Variants in DMD observed in about 807,000 individuals in gnomAD.
DMD encodes the protein dystrophin, also known as mutant dystrophin.
DMD carries 63 observed loss-of-function variants against 330.1 expected under a neutral mutation model. That is an observed-to-expected ratio of 0.19 (90% CI 0.16 to 0.24). DMD has a LOEUF of 0.24. DMD is among the 10% of genes least tolerant of loss of function. The pLI is 1.00. For synonymous variants in DMD, 1,223 were observed against 959.8 expected (o/e 1.27, Z -5.07); for missense variants, 3,344 against 2,684.1 (o/e 1.25, Z -5.43).
intron 4 of DMD, among the ~76,000 whole-genome samples, chrX:32,837,279 A>G (rs2079734608): frequency 8.9e-6 from 1 of 112,003 alleles, no homozygotes; most frequent in Non-Finnish European, 1.9e-5. Flanking sequence ...TGACTACATC[A>G]CCTGGAATCT....
chrX:32,380,671 T>C lies in DMD; in HGVS notation c.4684A>G (p.Arg1562Gly), dbSNP rs771425504. The C allele has an allele frequency of 2.1e-5, 25 of 1,204,338 alleles. No individual in the cohort carries two copies. In the East Asian group the frequency reaches 7.1e-4, roughly 34 times the overall value. The change falls in exon 34 of 79, where the codon AGA becomes GGA. Residue 1562 changes from arginine (R) to glycine (G), a missense_variant. Coordinates refer to ENST00000357033, the MANE Select transcript of DMD (RefSeq NM_004006.3). ...YNELGAKVTERKQQLEKCLKL... is the reference protein window; with the variant it reads ...YNELGAKVTEGKQQLEKCLKL... ...AAGCATTTCTCCAACTGTTGCTTTC[T>C]TTCTGTTACCTGAAAAGAATTATAA...
chrX:31,722,483 T>C (rs1311061667), intron 52 of DMD, among the ~76,000 whole-genome samples: 1 of 110,952 alleles, frequency 9.0e-6, no homozygotes, highest in Admixed American at 9.7e-5. Flanking sequence ...TATACTTCCA[T>C]AAGAATTTGT....
intron 57 of DMD, among the ~76,000 whole-genome samples, chrX:31,491,428 C>T (rs1437019507): frequency 8.9e-6 from 1 of 112,116 alleles, no homozygotes; most frequent in Non-Finnish European, 1.9e-5. Flanking sequence ...ACCAGAATAA[C>T]ACCCACTAAT....
intron 44 of DMD, among the ~76,000 whole-genome samples, chrX:32,027,164 G>GCACA (rs757441503): frequency 0.51 from 45,160 of 89,103 alleles, 8,821 homozygotes; most frequent in Admixed American, 0.59. Flanking sequence ...ACACGCACGT[G>GCACA]CACACACACA....
chrX:31,210,429 G>A (rs768341768), intron 64 of DMD, among the ~76,000 whole-genome samples: 13 of 112,082 alleles, frequency 1.2e-4, no homozygotes, highest in African/African-American at 4.2e-4. Flanking sequence ...ATCTGAGGAG[G>A]TGTTTAATCT....
At chrX:31,952,873 T>A (rs759281600) in intron 45 of DMD, among the ~76,000 whole-genome samples, 2 of 112,431 alleles carry the variant, frequency 1.8e-5, no homozygotes, top group Non-Finnish European at 3.8e-5. Context: ...TTTTAATAAC[T>A]TGCCTAGATG....
chrX:32,570,084 A>G (rs1292166244), intron 15 of DMD, among the ~76,000 whole-genome samples: 1 of 111,618 alleles, frequency 9.0e-6, no homozygotes. Context: ...TAAATGTCAT[A>G]ATCCCCACCT....
intron 17 of DMD, among the ~76,000 whole-genome samples, chrX:32,541,353 T>A (rs2048463115): frequency 9.0e-6 from 1 of 111,626 alleles, no homozygotes; most frequent in East Asian, 2.8e-4. Context: ...TTCCTCCATC[T>A]TCATCATCTC....
intron 78 of DMD, 45 bp downstream of exon 78, chrX:31,126,597 A>T (rs760553995): frequency 1.7e-6 from 2 of 1,144,220 alleles, no homozygotes; most frequent in South Asian, 3.6e-5. Flanking sequence ...AAAAAGCAGG[A>T]TGAGACAGAC....
intron 29 of DMD, among the ~76,000 whole-genome samples, chrX:32,413,570 A>G (rs1300075501): frequency 9.1e-6 from 1 of 110,248 alleles, no homozygotes; most frequent in African/African-American, 3.3e-5. Flanking sequence ...CAAATATGCT[A>G]TCAGTTTCTT....
chrX:32,482,914 G>C (rs143919039), intron 21 of DMD, among the ~76,000 whole-genome samples: 3,876 of 108,126 alleles, frequency 0.036, 214 homozygotes, highest in African/African-American at 0.12. Flanking sequence ...GAAAAAGCAA[G>C]TTTAAAAAAG....
rs191459934 is a variant in DMD, at chrX:32,728,563, T to A, written c.650-29270A>T. ...GGAGTAGACCACATAAATGTCATGTTAATATTCTAAAGTGAGTTAAATTGT... is the reference window on the plus strand; with the variant it reads ...GGAGTAGACCACATAAATGTCATGTAAATATTCTAAAGTGAGTTAAATTGT... On this transcript the variant is annotated intron_variant, in intron 7 of 78. Transcript: ENST00000357033. Among the ~76,000 whole-genome samples, 179 of 112,040 alleles carry A rather than the reference T, an allele frequency of 1.6e-3. 3 individuals are homozygous for A. The highest frequency in any genetic ancestry group is 5.7e-3 in the African/African-American group (176 of 30,906).
chrX:31,477,651 A>C (rs2067888046), intron 59 of DMD, among the ~76,000 whole-genome samples: 2 of 111,067 alleles, frequency 1.8e-5, no homozygotes, highest in South Asian at 7.8e-4. Flanking sequence ...AGGGCAACAC[A>C]TTAACAGCCT....
chrX:32,029,839 C>T (rs1348673234), intron 44 of DMD, among the ~76,000 whole-genome samples: 1 of 111,419 alleles, frequency 9.0e-6, no homozygotes, highest in Non-Finnish European at 1.9e-5. Flanking sequence ...TAATATTCTC[C>T]GGTAACCTTT....
chrX:32,710,152 AC>A (rs1767697325), intron 7 of DMD, among the ~76,000 whole-genome samples: 1 of 106,576 alleles, frequency 9.4e-6, no homozygotes, highest in African/African-American at 3.8e-5. Flanking sequence ...ATATACAAGA[AC>A]TTTTATTATG....
chrX:31,469,652 G>A (rs780018242), intron 59 of DMD, among the ~76,000 whole-genome samples: 3 of 110,971 alleles, frequency 2.7e-5, no homozygotes, highest in African/African-American at 9.8e-5. Context: ...TGTGTCTTGG[G>A]TTGCTCTTCT....
At chrX:32,043,977 G>A (rs2096034986) in intron 44 of DMD, among the ~76,000 whole-genome samples, 1 of 111,823 alleles carries the variant, frequency 8.9e-6, no homozygotes, top group Admixed American at 9.5e-5. Flanking sequence ...AGGGGATTTC[G>A]AATAAGGTCT....
At chrX:33,070,305 T>C (rs193026779) in intron 1 of DMD, among the ~76,000 whole-genome samples, 25 of 111,315 alleles carry the variant, frequency 2.2e-4, no homozygotes, top group African/African-American at 8.1e-4. Context: ...CGTCAACTTG[T>C]ACGTATTAAT....
chrX:33,004,566 C>T (rs2093354848), intron 2 of DMD, among the ~76,000 whole-genome samples: 1 of 110,989 alleles, frequency 9.0e-6, no homozygotes, highest in African/African-American at 3.3e-5. Flanking sequence ...TTTTATGTTT[C>T]CCTATCCCTT....
Sources: gnomAD v4.1 joint callset for allele counts (sites outside exome capture counted in the v4.1 genomes callset) on GRCh38, gnomAD v4.1.1 for gene constraint, MANE v1.5 for transcripts, NCBI Gene and HGNC (gene_info 2026-07-23, HGNC 2026-07-21) for gene names.